ADGRL3: variants seen among roughly 807,000 people sequenced by gnomAD.
ADGRL3 encodes the protein calcium-independent alpha-latrotoxin receptor 3.
Under a neutral mutation model 153.5 loss-of-function variants are expected in ADGRL3, and 62 were observed. The ratio of observed to expected loss-of-function variants is 0.40; its 90% confidence interval spans 0.33 to 0.50. The LOEUF (loss-of-function observed/expected upper bound fraction) is 0.50, where lower values mean the gene tolerates loss of function less well. ADGRL3 is among the 20% of genes least tolerant of loss of function. ADGRL3 has a pLI of 0.47. For synonymous variants in ADGRL3, 710 were observed against 672.5 expected (o/e 1.06, Z -0.86); for missense variants, 1,641 against 1,859.4 (o/e 0.88, Z 2.16).
At position 61,232,689 on chromosome 4, in the gene ADGRL3, C is replaced by T. The variant is rs145088414; in HGVS notation, c.-240+30924C>T. The stretch of plus-strand genomic sequence containing the variant: ...TAGCACTTGCTATTATTATTATTGT[C>T]GCAGGATTGTTACAAGGATTAAGAC... On this transcript the variant is annotated intron_variant, in intron 1 of 26. Transcript: ENST00000683033. 1.6e-3 allele frequency among the ~76,000 whole-genome samples: 236 copies of T among 152,030 alleles called. 1 individual carries two copies. The highest frequency in any genetic ancestry group is 5.4e-3 in the African/African-American group (225 of 41,466).
At chr4:62,061,674 A>G (rs1037407604) in intron 25 of ADGRL3, among the ~76,000 whole-genome samples, 3 of 151,954 alleles carry the variant, frequency 2.0e-5, no homozygotes, top group African/African-American at 4.8e-5. Flanking sequence ...TTATTTTGTC[A>G]TTTCAAGAAC....
At chr4:61,993,290 C>CT (rs761710043) in intron 19 of ADGRL3, among the ~76,000 whole-genome samples, 6,833 of 69,204 alleles carry the variant, frequency 0.099, 1,213 homozygotes, top group East Asian at 0.25. Flanking sequence ...TCTTTCTTTC[C>CT]TTTTTTTTTT....
At chr4:61,591,587 T>C (rs765933901) in intron 5 of ADGRL3, among the ~76,000 whole-genome samples, 2 of 152,180 alleles carry the variant, frequency 1.3e-5, no homozygotes, top group Non-Finnish European at 2.9e-5. Flanking sequence ...ATGTTGCTTG[T>C]ATTTTGAATA....
chr4:61,638,673 T>G (rs1282767077), intron 5 of ADGRL3, among the ~76,000 whole-genome samples: 2 of 152,274 alleles, frequency 1.3e-5, no homozygotes, highest in Non-Finnish European at 2.9e-5. Flanking sequence ...TACAAAATAT[T>G]CTACACAAAT....
chr4:61,610,475 A>G (rs2099048594), intron 5 of ADGRL3, among the ~76,000 whole-genome samples: 1 of 152,150 alleles, frequency 6.6e-6, no homozygotes, highest in Non-Finnish European at 1.5e-5. Flanking sequence ...GAGGAAAAAT[A>G]TTTCCAATCT....
chr4:62,000,807 A>G (rs2099137812), intron 21 of ADGRL3, among the ~76,000 whole-genome samples: 1 of 151,686 alleles, frequency 6.6e-6, no homozygotes, highest in Non-Finnish European at 1.5e-5. Flanking sequence ...CAAGAGGTAG[A>G]GTCTTGCTCT....
intron 9 of ADGRL3, among the ~76,000 whole-genome samples, chr4:61,836,001 A>AG (rs1450953443): frequency 6.6e-6 from 1 of 152,172 alleles, no homozygotes; most frequent in African/African-American, 2.4e-5. Context: ...GCAGAAACCA[A>AG]GAAAAAGTAG....
chr4:62,014,941 A>AT (rs960978920), intron 21 of ADGRL3, among the ~76,000 whole-genome samples: 13 of 152,032 alleles, frequency 8.6e-5, no homozygotes, highest in Admixed American at 1.3e-4. Context: ...TCATTCTCCT[A>AT]TTTTTCGGCA....
chr4:61,567,287 G>A (rs1423665353), intron 4 of ADGRL3, among the ~76,000 whole-genome samples: 5 of 152,166 alleles, frequency 3.3e-5, no homozygotes, highest in Non-Finnish European at 7.3e-5. Context: ...CAAGATCATT[G>A]TCAAGGGATG....
At chr4:61,269,464 A>G (rs564196716) in intron 1 of ADGRL3, among the ~76,000 whole-genome samples, 1 of 151,804 alleles carries the variant, frequency 6.6e-6, no homozygotes, top group South Asian at 2.1e-4. Context: ...AGACAGGTAG[A>G]GAAATAATCA....
intron 5 of ADGRL3, among the ~76,000 whole-genome samples, chr4:61,649,883 T>C (rs1030827999): frequency 6.6e-6 from 1 of 152,166 alleles, no homozygotes; most frequent in Non-Finnish European, 1.5e-5. Context: ...CTTTGCTTTT[T>C]TGTTATAGTG....
chr4:61,488,715 A>G (rs1221770685), intron 2 of ADGRL3, among the ~76,000 whole-genome samples: 1 of 152,006 alleles, frequency 6.6e-6, no homozygotes, highest in East Asian at 1.9e-4. Flanking sequence ...AACTTGAAAA[A>G]TTGTTGACTT....
chr4:61,848,521 A>G (rs1176219970), intron 9 of ADGRL3, among the ~76,000 whole-genome samples: 1 of 152,004 alleles, frequency 6.6e-6, no homozygotes, highest in African/African-American at 2.4e-5. Flanking sequence ...CCACTCCAGT[A>G]TGACCTCATC....
intron 8 of ADGRL3, among the ~76,000 whole-genome samples, chr4:61,785,245 C>A (rs2097263504): frequency 6.6e-6 from 1 of 152,068 alleles, no homozygotes; most frequent in African/African-American, 2.4e-5. Flanking sequence ...GATCAAGTAG[C>A]CAGAAATCAC....
intron 8 of ADGRL3, among the ~76,000 whole-genome samples, chr4:61,774,234 A>T (rs1201264314): frequency 6.6e-6 from 1 of 151,576 alleles, no homozygotes; most frequent in Non-Finnish European, 1.5e-5. Flanking sequence ...GCAGGTACCT[A>T]TAATCCCAGC....
Position 61,909,859 on chromosome 4 carries a change from A to C in ADGRL3, c.2073+114A>C, listed in dbSNP as rs2098714277. ...CACTGCTTAATTTTCCTCCTTCTAC[A>C]GAATATGATCATTATAAAGAGAATC... On this transcript the variant is annotated intron_variant, in intron 12 of 26. Transcript: ENST00000683033. The C allele has an allele frequency of 2.1e-5, 15 of 697,958 alleles. No homozygotes were observed. In the South Asian group the frequency reaches 3.7e-4, roughly 17 times the overall value. The allele number at this position is 697,958 out of a possible 1,614,324, so 43.2% of individuals were successfully genotyped here. A position where few individuals can be genotyped will look rare whatever the true frequency, so the allele number is the denominator to read the frequency against.
intron 1 of ADGRL3, among the ~76,000 whole-genome samples, chr4:61,223,551 C>T (rs998502204): frequency 6.6e-6 from 1 of 152,184 alleles, no homozygotes; most frequent in African/African-American, 2.4e-5. Flanking sequence ...CGGTCAAATG[C>T]CTCCACTTGT....
chr4:61,721,696 ACAGT>A (rs1379699420), intron 6 of ADGRL3, among the ~76,000 whole-genome samples: 1 of 152,214 alleles, frequency 6.6e-6, no homozygotes, highest in African/African-American at 2.4e-5. Flanking sequence ...TTTTACATGC[ACAGT>A]CACTTTCACA....
intron 9 of ADGRL3, among the ~76,000 whole-genome samples, chr4:61,841,964 C>T (rs2098039567): frequency 6.6e-6 from 1 of 152,194 alleles, no homozygotes; most frequent in African/African-American, 2.4e-5. Context: ...GCAGGGTTGA[C>T]ACCATGGGTA....
Sources: gnomAD v4.1 joint callset for allele counts (sites outside exome capture counted in the v4.1 genomes callset) on GRCh38, gnomAD v4.1.1 for gene constraint, MANE v1.5 for transcripts, NCBI Gene and HGNC (gene_info 2026-07-23, HGNC 2026-07-21) for gene names.